Variants in PRICKLE1 observed in about 807,000 individuals in gnomAD.
PRICKLE1 encodes the protein prickle planar cell polarity protein 1, also known as prickle-like protein 1.
PRICKLE1 carries 14 observed loss-of-function variants against 70.2 expected under a neutral mutation model. That is an observed-to-expected ratio of 0.20 (90% CI 0.13 to 0.31). The LOEUF is 0.31. Among genes scored for constraint, PRICKLE1 ranks in the 10% least tolerant of loss-of-function variants. PRICKLE1 has a pLI of 1.00. For synonymous variants in PRICKLE1, 357 were observed against 379.9 expected, an observed-to-expected ratio of 0.94 and a Z score of 0.70; for missense variants, 821 against 1,026.2, an observed-to-expected ratio of 0.80 and a Z score of 2.73.
chr12:42,509,082 G>C (rs1939468249), intron 1 of PRICKLE1, among the ~76,000 whole-genome samples: 1 of 152,204 alleles, frequency 6.6e-6, no homozygotes, highest in Admixed American at 6.5e-5. Flanking sequence ...ACAGCAGCCT[G>C]CCAGTCTTCT....
intron 1 of PRICKLE1, among the ~76,000 whole-genome samples, chr12:42,569,170 C>A (rs1467682216): frequency 6.6e-6 from 1 of 152,170 alleles, no homozygotes; most frequent in Non-Finnish European, 1.5e-5. Context: ...CATCCTGAAA[C>A]AAGCTCTCTG....
chr12:42,556,575 G>T (rs1940416305), intron 1 of PRICKLE1, among the ~76,000 whole-genome samples: 1 of 152,110 alleles, frequency 6.6e-6, no homozygotes, highest in Admixed American at 6.5e-5. Flanking sequence ...CTGTGCTCTT[G>T]GATCTAGATC....
intron 3 of PRICKLE1, 77 bp from the exon 4 acceptor site, chr12:42,469,664 G>A: frequency 1.3e-6 from 2 of 1,585,510 alleles, no homozygotes; most frequent in Non-Finnish European, 1.7e-6. Flanking sequence ...CAGAGTTAGG[G>A]TTTCAGGAAG....
At chr12:42,489,305 T>C (rs1338694111) in intron 1 of PRICKLE1, among the ~76,000 whole-genome samples, 1 of 151,912 alleles carries the variant, frequency 6.6e-6, no homozygotes, top group Non-Finnish European at 1.5e-5. Flanking sequence ...AGGGTCTCAA[T>C]ATACTAAAAT....
At chr12:42,579,686 A>G (rs1203647334) in intron 1 of PRICKLE1, among the ~76,000 whole-genome samples, 1 of 152,188 alleles carries the variant, frequency 6.6e-6, no homozygotes, top group Non-Finnish European at 1.5e-5. Flanking sequence ...GCCACGTGTA[A>G]AAGTTCAAAG....
intron 1 of PRICKLE1, among the ~76,000 whole-genome samples, chr12:42,514,332 G>C (rs908921206): frequency 2.0e-5 from 3 of 152,114 alleles, no homozygotes; most frequent in African/African-American, 7.2e-5. Flanking sequence ...ATGCTTGTGT[G>C]TCAGAAAATG....
chr12:42,464,515 A>C lies in PRICKLE1; in HGVS notation c.1519T>G (p.Ser507Ala). Reference protein sequence around the residue: ...LQELELDHGASGYNHDETQWY... With the variant: ...LQELELDHGAAGYNHDETQWY... The stretch of plus-strand genomic sequence containing the variant: ...TGTGTTTCATCATGATTATACCCTG[A>C]AGCCCCATGGTCCAGTTCCAATTCC... Residue 507 changes from serine to alanine, a missense_variant, in exon 7 of 8, where the codon TCA (serine) becomes GCA (alanine). Coordinates refer to ENST00000345127, the MANE Select transcript of PRICKLE1 (RefSeq NM_153026.3). The surrounding 1 kb of genome is among the most constrained non-coding windows in gnomAD (Gnocchi z 4.2). 6.2e-7 allele frequency: 1 copy of C among 1,613,976 alleles called. No individual in the cohort carries two copies. The highest frequency in any genetic ancestry group is 1.1e-5 in the South Asian group (1 of 91,078).
chr12:42,464,710 G>A lies in PRICKLE1; in HGVS notation c.1324C>T (p.His442Tyr), dbSNP rs1420840004. 9 of 1,613,970 alleles carry A rather than the reference G, an allele frequency of 5.6e-6. No individual in the cohort carries two copies. The highest frequency in any genetic ancestry group is 3.3e-4 in the Middle Eastern group (2 of 6,084). The change falls in exon 7 of 8, where the codon CAC (histidine) becomes TAC (tyrosine). Residue 442 changes from histidine (H) to tyrosine (Y), a missense_variant. Physicochemically the swap from His to Tyr is moderately conservative, Grantham distance 83. Transcript: ENST00000345127. The surrounding 1 kb of genome is among the most constrained non-coding windows in gnomAD (Gnocchi z 4.2). ...PNEMDIRASE[H>Y]WISDNMVKSK... is the part of the protein sequence containing the mutation. ...TTAACCATGTTATCAGATATCCAGT[G>A]CTCACTGGCTCGAATATCCATCTCA...
intron 1 of PRICKLE1, among the ~76,000 whole-genome samples, chr12:42,559,365 G>A (rs1057016137): frequency 2.0e-5 from 3 of 151,950 alleles, no homozygotes; most frequent in African/African-American, 7.2e-5. Flanking sequence ...AAATATCCTA[G>A]TTTCTCTTTT....
Position 42,459,965 on chromosome 12 carries a change from T to C in PRICKLE1, c.2340A>G (p.Gly780=). The change falls in exon 8 of 8, where the codon GGA becomes GGG. Residue 780 remains glycine (G), a synonymous_variant. Coordinates refer to ENST00000345127, the MANE Select transcript of PRICKLE1 (RefSeq NM_153026.3). ...SDSEEEGYFL[G]QPIPQPRPQR... is the part of the protein sequence containing the mutation. ...GTGGCCGGGGTTGAGGGATTGGTTG[T>C]CCAAGAAAATATCCTTCTTCTTCCG... 6.2e-7 allele frequency: 1 copy of C among 1,614,124 alleles called. No individual in the cohort carries two copies. Among genetic ancestry groups the C allele is most frequent in the African/African-American group, 1.3e-5 (1 of 75,030 alleles).
At chr12:42,494,970 C>T (rs866527664) in intron 1 of PRICKLE1, among the ~76,000 whole-genome samples, 31 of 150,270 alleles carry the variant, frequency 2.1e-4, no homozygotes, top group African/African-American at 6.4e-4. Context: ...CCATAACTCA[C>T]GGCAACCTTG....
rs1372610779 is a variant in PRICKLE1, at chr12:42,457,558, C to G, written c.*2251G>C. 1 of 152,074 alleles carries G rather than the reference C, an allele frequency of 6.6e-6. No homozygotes were observed. Among genetic ancestry groups the G allele is most frequent in the African/African-American group, 2.4e-5 (1 of 41,448 alleles). The allele number at this position is 152,074 out of a possible 1,614,324, so 9.4% of individuals were successfully genotyped here. A position where few individuals can be genotyped will look rare whatever the true frequency, so the allele number is the denominator to read the frequency against. On this transcript the variant is annotated 3_prime_UTR_variant, in exon 8 of 8. Coordinates refer to ENST00000345127, the MANE Select transcript of PRICKLE1 (RefSeq NM_153026.3). ...TCTTTTGGAGGAAAATTGGCAATATCCATCAGTCTTAAATACGTAACCTTT... is the reference window on the plus strand; with the variant it reads ...TCTTTTGGAGGAAAATTGGCAATATGCATCAGTCTTAAATACGTAACCTTT...
At chr12:42,553,893 A>G (rs1304240228) in intron 1 of PRICKLE1, among the ~76,000 whole-genome samples, 4 of 152,178 alleles carry the variant, frequency 2.6e-5, no homozygotes, top group Non-Finnish European at 5.9e-5. Context: ...ACCTGAGGTC[A>G]GAAGTTAGAG....
intron 1 of PRICKLE1, among the ~76,000 whole-genome samples, chr12:42,521,864 C>T (rs533413459): frequency 4.7e-5 from 7 of 150,320 alleles, no homozygotes; most frequent in South Asian, 4.2e-4. Context: ...CCTCTTAGAA[C>T]GACTTAATTT....
rs1471867585 is a variant in PRICKLE1 at position 42,468,738 on chromosome 12, A to T, written c.476T>A (p.Phe159Tyr). The T allele has an allele frequency of 6.2e-7, 1 of 1,614,176 alleles. No homozygotes were observed. The highest frequency in any genetic ancestry group is 8.5e-7 in the Non-Finnish European group (1 of 1,180,038). ...VCWHPSCFVCFTCNELLVDLI... is the reference protein window; with the variant it reads ...VCWHPSCFVCYTCNELLVDLI... ...GTCGACCAGCAGCTCATTACACGTG[A>T]AACAGACAAAACAGGATGGGTGCCA... The change falls in exon 5 of 8, where the codon TTC becomes TAC. Residue 159 changes from phenylalanine to tyrosine, a missense_variant. Physicochemically the swap from Phe to Tyr is conservative, Grantham distance 22. Transcript: ENST00000345127.
At chr12:42,528,625 T>C (rs566911736) in intron 1 of PRICKLE1, among the ~76,000 whole-genome samples, 66 of 152,342 alleles carry the variant, frequency 4.3e-4, no homozygotes, top group African/African-American at 1.6e-3. Flanking sequence ...AGGAGTTAAA[T>C]GTTTGTATTA....
At chr12:42,506,250 TC>T (rs1566105903) in intron 1 of PRICKLE1, among the ~76,000 whole-genome samples, 13,583 of 79,612 alleles carry the variant, frequency 0.17, 1,395 homozygotes, top group African/African-American at 0.32. Flanking sequence ...TGTTCTTTTT[TC>T]TTTCTTTCTT....
In PRICKLE1 at chr12:42,464,439, C is replaced by G; in HGVS notation, c.1595G>C (p.Ser532Thr). The G allele has an allele frequency of 6.2e-7, 1 of 1,614,088 alleles. No homozygotes were observed. The change falls in exon 7 of 8, where the codon AGT becomes ACT. Residue 532 changes from serine (S) to threonine (T), a missense_variant. Physicochemically the swap from Ser to Thr is moderately conservative, Grantham distance 58 (BLOSUM62 1). Transcript: ENST00000345127. The surrounding 1 kb of genome is among the most constrained non-coding windows in gnomAD (Gnocchi z 4.2). ...ECLSDLKPEQSVRDSMDSLAL... is the reference protein window; with the variant it reads ...ECLSDLKPEQTVRDSMDSLAL... ...CAAAGAATCCATCGAATCCCGAACA[C>G]TTTGCTCTGGTTTCAGGTCTGACAG...
At position 42,464,426 on chromosome 12, in the gene PRICKLE1, C is replaced by T. The variant is rs144062651; in HGVS notation, c.1608G>A (p.Ser536=). The T allele has an allele frequency of 5.1e-5, 82 of 1,614,064 alleles. No homozygotes were observed. The highest frequency in any genetic ancestry group is 4.4e-4 in the African/African-American group (33 of 75,004). ...TATTGGACAATGCCAAAGAATCCAT[C>T]GAATCCCGAACACTTTGCTCTGGTT... The part of the protein sequence containing the change: ...DLKPEQSVRD[S]MDSLALSNIT... The change falls in exon 7 of 8, where the codon TCG becomes TCA. Residue 536 remains serine, a synonymous_variant. Transcript: ENST00000345127. The surrounding 1 kb of genome is among the most constrained non-coding windows in gnomAD (Gnocchi z 4.2).
Sources: allele counts gnomAD v4.1 joint callset (sites outside exome capture counted in the v4.1 genomes callset), GRCh38; gene constraint gnomAD v4.1.1; non-coding constraint Gnocchi (gnomAD v3.1); transcripts MANE v1.5; gene names NCBI Gene and HGNC (gene_info 2026-07-23, HGNC 2026-07-21).